CNTN3: variants seen among roughly 807,000 people sequenced by gnomAD.
The protein encoded by CNTN3 is contactin 3, also known as contactin-3.
In CNTN3, 60 loss-of-function variants were observed where a neutral mutation model predicts 119.1. The observed-to-expected ratio is 0.50, with a 90% CI of 0.41 to 0.62. The LOEUF (loss-of-function observed/expected upper bound fraction) is 0.62, where lower values mean the gene tolerates loss of function less well. Among genes scored for constraint, CNTN3 ranks in the 20% least tolerant of loss-of-function variants. The pLI is 0.00. For synonymous variants in CNTN3, 450 were observed against 438.7 expected (o/e 1.03, Z -0.32); for missense variants, 1,101 against 1,242.4 (o/e 0.89, Z 1.71).
chr3:74,291,449 A>G (rs1702228376), intron 19 of CNTN3, among the ~76,000 whole-genome samples: 1 of 152,126 alleles, frequency 6.6e-6, no homozygotes, highest in African/African-American at 2.4e-5. Context: ...TGGTATTTCT[A>G]GTTCTAGATC....
chr3:74,297,902 G>T (rs1383144078), intron 18 of CNTN3, 55 bp downstream of exon 18: 3 of 1,376,580 alleles, frequency 2.2e-6, no homozygotes, highest in East Asian at 2.3e-5. Flanking sequence ...ATCAGTTTTT[G>T]GAGCACAAAT....
chr3:74,323,023 A>G (rs1379743668), intron 13 of CNTN3, among the ~76,000 whole-genome samples: 1 of 152,180 alleles, frequency 6.6e-6, no homozygotes, highest in Non-Finnish European at 1.5e-5. Context: ...GGTACAGAGG[A>G]TTTTTAGGGC....
Position 74,367,299 on chromosome 3 carries a change from C to T in CNTN3, c.947-1597G>A, listed in dbSNP as rs552736921. The stretch of plus-strand genomic sequence containing the variant: ...CACAATGGACTAAAGCAATAGTCTA[C>T]CTCTTTTACTAAGTAGAGCAGACAC... On this transcript the variant is annotated intron_variant, in intron 8 of 22. Transcript: ENST00000263665. Among the ~76,000 whole-genome samples the T allele has an allele frequency of 2.6e-5, 4 of 152,094 alleles. 1 individual carries two copies. Among genetic ancestry groups the T allele is most frequent in the African/African-American group, 9.6e-5 (4 of 41,520 alleles).
At chr3:74,506,709 G>A (rs1703266801) in intron 2 of CNTN3, among the ~76,000 whole-genome samples, 1 of 145,016 alleles carries the variant, frequency 6.9e-6, no homozygotes, top group East Asian at 2.1e-4. Flanking sequence ...AATACACCAG[G>A]AGAACACAGT....
chr3:74,512,875 T>C (rs992625152), intron 2 of CNTN3, among the ~76,000 whole-genome samples: 2 of 147,202 alleles, frequency 1.4e-5, no homozygotes, highest in East Asian at 2.1e-4. Flanking sequence ...ATACCACTTC[T>C]CTCGTTTTGT....
intron 1 of CNTN3, among the ~76,000 whole-genome samples, chr3:74,576,396 A>C (rs1704417411): frequency 6.6e-6 from 1 of 152,196 alleles, no homozygotes. Context: ...ATAATATGTC[A>C]AGTAAAAATG....
intron 2 of CNTN3, among the ~76,000 whole-genome samples, chr3:74,517,507 G>C (rs1203986585): frequency 6.6e-6 from 1 of 151,886 alleles, no homozygotes; most frequent in Non-Finnish European, 1.5e-5. Context: ...ATGTGTACAT[G>C]TCAGTAAGTA....
At chr3:74,367,516 C>T (rs532328496) in intron 8 of CNTN3, among the ~76,000 whole-genome samples, 3 of 152,074 alleles carry the variant, frequency 2.0e-5, no homozygotes, top group East Asian at 1.9e-4. Context: ...TAGGAATGAA[C>T]CATGTAGCCA....
intron 1 of CNTN3, among the ~76,000 whole-genome samples, chr3:74,533,903 T>G (rs995135075): frequency 3.3e-5 from 5 of 152,032 alleles, no homozygotes; most frequent in Admixed American, 2.0e-4. Flanking sequence ...TACTGGCACC[T>G]AGGGGTTAGG....
intron 4 of CNTN3, among the ~76,000 whole-genome samples, chr3:74,449,589 A>AT (rs1364779140): frequency 3.9e-5 from 6 of 152,128 alleles, no homozygotes; most frequent in Admixed American, 3.9e-4. Context: ...TAAGAAACAG[A>AT]TAAGTCAGAC....
chr3:74,484,605 A>G (rs1287516537), intron 4 of CNTN3, among the ~76,000 whole-genome samples: 1 of 152,214 alleles, frequency 6.6e-6, no homozygotes, highest in African/African-American at 2.4e-5. Flanking sequence ...AAAATAACCT[A>G]AACTTAGCTA....
chr3:74,385,518 C>T (rs1345391291), intron 5 of CNTN3, among the ~76,000 whole-genome samples: 3 of 152,216 alleles, frequency 2.0e-5, no homozygotes, highest in African/African-American at 4.8e-5. Flanking sequence ...GGAAAGAGGA[C>T]AGACCTCTGC....
At chr3:74,283,190 A>G (rs1054930138) in intron 20 of CNTN3, among the ~76,000 whole-genome samples, 1 of 152,176 alleles carries the variant, frequency 6.6e-6, no homozygotes, top group African/African-American at 2.4e-5. Context: ...AAGACTATGG[A>G]TTTGGATGCC....
At chr3:74,592,649 A>G (rs1201332768) in intron 1 of CNTN3, among the ~76,000 whole-genome samples, 1 of 151,946 alleles carries the variant, frequency 6.6e-6, no homozygotes, top group Non-Finnish European at 1.5e-5. Context: ...GAAAATGAGA[A>G]TAAAGTGAAA....
At chr3:74,422,473 A>G (rs1701631203) in intron 5 of CNTN3, among the ~76,000 whole-genome samples, 1 of 152,196 alleles carries the variant, frequency 6.6e-6, no homozygotes. Flanking sequence ...AAATCAGGAT[A>G]TCATTATTTA....
At chr3:74,387,496 T>G (rs1344606996) in intron 5 of CNTN3, among the ~76,000 whole-genome samples, 1 of 152,226 alleles carries the variant, frequency 6.6e-6, no homozygotes, top group Non-Finnish European at 1.5e-5. Flanking sequence ...CACAGCATGT[T>G]TTCTGCTAAA....
intron 1 of CNTN3, among the ~76,000 whole-genome samples, chr3:74,558,117 A>G (rs1199007090): frequency 6.6e-6 from 1 of 152,122 alleles, no homozygotes; most frequent in Non-Finnish European, 1.5e-5. Flanking sequence ...TCTTCATGCA[A>G]TTACTGGTTT....
intron 1 of CNTN3, among the ~76,000 whole-genome samples, chr3:74,608,258 C>T (rs1224204114): frequency 6.6e-6 from 1 of 152,164 alleles, no homozygotes; most frequent in Non-Finnish European, 1.5e-5. Flanking sequence ...GTGAAATAGA[C>T]TATTCTCGGC....
At chr3:74,349,783 A>G (rs1703772948) in intron 11 of CNTN3, among the ~76,000 whole-genome samples, 1 of 152,366 alleles carries the variant, frequency 6.6e-6, no homozygotes, top group African/African-American at 2.4e-5. Flanking sequence ...GGTTAAATGC[A>G]TGTGGGATTT....
Sources: gnomAD v4.1 joint callset for allele counts (sites outside exome capture counted in the v4.1 genomes callset) on GRCh38, gnomAD v4.1.1 for gene constraint, MANE v1.5 for transcripts, NCBI Gene and HGNC (gene_info 2026-07-23, HGNC 2026-07-21) for gene names.